Variants in WDR93 observed in about 807,000 individuals in gnomAD.
The protein encoded by WDR93 is WD repeat domain 93, also known as WD repeat-containing protein 93.
Under a neutral mutation model 82.9 loss-of-function variants are expected in WDR93, and 73 were observed. The observed-to-expected ratio is 0.88, with a 90% CI of 0.73 to 1.07. The LOEUF (loss-of-function observed/expected upper bound fraction) is 1.07. WDR93 is among the 50% of genes least tolerant of loss of function. The pLI, the probability that WDR93 is intolerant of heterozygous loss-of-function variation, is 0.00. For missense variants in WDR93, 738 were observed against 826.0 expected (o/e 0.89, Z 1.31); for synonymous variants, 283 against 300.1 (o/e 0.94, Z 0.59).
chr15:89,734,001 G>A (rs1596119780), intron 13 of WDR93, among the ~76,000 whole-genome samples: 1 of 151,524 alleles, frequency 6.6e-6, no homozygotes, highest in East Asian at 1.9e-4. Context: ...TAATGTGTGT[G>A]TGTGTGTGTG....
intron 7 of WDR93, 94 bp downstream of exon 7, chr15:89,717,043 T>C: frequency 3.5e-6 from 2 of 566,120 alleles, no homozygotes; most frequent in Admixed American, 4.8e-5. Flanking sequence ...TTCTTTTTCT[T>C]TCTTTTTTTT....
intron 4 of WDR93, among the ~76,000 whole-genome samples, chr15:89,710,682 A>T (rs1965935939): frequency 6.6e-6 from 1 of 152,212 alleles, no homozygotes. Flanking sequence ...ATTATCAGGG[A>T]TGTTACAAAA....
chr15:89,742,050 C>A (rs1567136169), intron 16 of WDR93, among the ~76,000 whole-genome samples: 1 of 152,132 alleles, frequency 6.6e-6, no homozygotes. Context: ...CACACCCGGC[C>A]TCCAATACAT....
intron 8 of WDR93, among the ~76,000 whole-genome samples, chr15:89,723,238 A>AAATAAATC (rs1460611773): frequency 1.5e-4 from 22 of 151,282 alleles, no homozygotes; most frequent in Non-Finnish European, 1.0e-4. Context: ...ATAAATAAAT[A>AAATAAATC]AATCTGGTAC....
At chr15:89,705,840 T>C (rs1965703451) in intron 4 of WDR93, among the ~76,000 whole-genome samples, 1 of 152,170 alleles carries the variant, frequency 6.6e-6, no homozygotes, top group Non-Finnish European at 1.5e-5. Context: ...AAAAGAAAAT[T>C]AGCAAAGGAA....
chr15:89,704,569 T>TGCCTCCC (rs1965641941), intron 3 of WDR93: 1 of 152,186 alleles, frequency 6.6e-6, no homozygotes, highest in African/African-American at 2.4e-5. Flanking sequence ...TGAAGGAGAA[T>TGCCTCCC]GCCTCCCCCT....
chr15:89,727,333 G>C lies in WDR93; in HGVS notation c.1052+5G>C, dbSNP rs1966778298. On this transcript the variant is annotated splice_donor_5th_base_variant and intron_variant, in intron 9 of 16. Transcript: ENST00000268130. ...GTGGGAGGAAGAGCCACTCAGGTGA[G>C]CCTCCTAATCCCGGGAAAGCCAGGG... 1 of 1,613,244 alleles carries C rather than the reference G, an allele frequency of 6.2e-7. No homozygotes were observed.
At chr15:89,732,891 G>C in intron 12 of WDR93, 115 bp from the exon 13 acceptor site, 1 of 926,018 alleles carries the variant, frequency 1.1e-6, no homozygotes, top group East Asian at 2.4e-5. Context: ...CTCATTGCTT[G>C]ATTTTGCCTT....
intron 16 of WDR93, among the ~76,000 whole-genome samples, chr15:89,740,113 G>C (rs1478647074): frequency 4.6e-5 from 7 of 152,186 alleles, no homozygotes; most frequent in Non-Finnish European, 1.0e-4. Context: ...AAGGTATTAA[G>C]TGGGATGATA....
chr15:89,737,034 G>A (rs1190102720), intron 14 of WDR93, among the ~76,000 whole-genome samples: 13 of 152,232 alleles, frequency 8.5e-5, no homozygotes, highest in Admixed American at 3.9e-4. Flanking sequence ...CTCGTGATCC[G>A]CCCACCTTGG....
At chr15:89,717,353 C>G (rs960403737) in intron 7 of WDR93, among the ~76,000 whole-genome samples, 1 of 152,204 alleles carries the variant, frequency 6.6e-6, no homozygotes, top group Non-Finnish European at 1.5e-5. Flanking sequence ...AGTCACCACA[C>G]TGGGCCCAAG....
Position 89,738,075 on chromosome 15 carries a change from T to C in WDR93, c.1800T>C (p.Asp600=), listed in dbSNP as rs769543438. ...CACATGAAACTGCGTCCACCGACGA[T>C]GCTGGAATCCAATATTCTGTTTTCT... ...DYSHETASTD[D]AGIQYSVFYF... is the part of the protein sequence containing the mutation. Residue 600 remains aspartate (D), a synonymous_variant, in exon 16 of 17, where the codon GAT becomes GAC. Coordinates refer to ENST00000268130, the MANE Select transcript of WDR93 (RefSeq NM_020212.2). 9 of 1,613,630 alleles carry C rather than the reference T, an allele frequency of 5.6e-6. No individual in the cohort carries two copies. The highest frequency in any genetic ancestry group is 2.2e-5 in the South Asian group (2 of 91,022).
chr15:89,690,563 G>A, upstream of WDR93: 2 of 1,548,656 alleles, frequency 1.3e-6, no homozygotes, highest in Non-Finnish European at 1.7e-6. Context: ...GGAGGCCGCT[G>A]GCACCTGACT....
Position 89,702,029 on chromosome 15 carries a change from C to T in WDR93, c.283C>T (p.Pro95Ser), listed in dbSNP as rs1410766164. The T allele has an allele frequency of 6.2e-7, 1 of 1,609,852 alleles. No individual in the cohort carries two copies. The highest frequency in any genetic ancestry group is 1.1e-5 in the South Asian group (1 of 90,928). Residue 95 changes from proline (P) to serine (S), a missense_variant, in exon 2 of 17, where the codon CCT becomes TCT. By Grantham distance (74) the Pro-to-Ser change is moderately conservative (BLOSUM62 -1). Coordinates refer to ENST00000268130, the MANE Select transcript of WDR93 (RefSeq NM_020212.2). ...CAGCCAGATCCAGCCCACCGTCTAC[C>T]CTCCACTTGGAGAAATCCAGGTATG... ...ESSQIQPTVY[P>S]PLGEIQLNKM...
At chr15:89,729,136 C>T (rs2141683724) in intron 10 of WDR93, 43 bp downstream of exon 10, 1 of 1,571,114 alleles carries the variant, frequency 6.4e-7, no homozygotes, top group Non-Finnish European at 8.8e-7. Flanking sequence ...CAAGGAGTCA[C>T]CTTGGGGAAA....
intron 5 of WDR93, among the ~76,000 whole-genome samples, chr15:89,714,055 A>G (rs1966129175): frequency 6.6e-6 from 1 of 152,198 alleles, no homozygotes; most frequent in Non-Finnish European, 1.5e-5. Context: ...TTGACAAGAT[A>G]AAGTCCCACA....
chr15:89,740,144 G>A (rs571745757), intron 16 of WDR93, among the ~76,000 whole-genome samples: 7 of 152,344 alleles, frequency 4.6e-5, no homozygotes, highest in Admixed American at 1.3e-4. Flanking sequence ...ACCAGGCACA[G>A]AGTGGTTGCT....
At position 89,712,065 on chromosome 15, in the gene WDR93, A is replaced by T; in HGVS notation, c.601A>T (p.Ile201Phe). The T allele has an allele frequency of 1.2e-6, 2 of 1,613,436 alleles. No homozygotes were observed. Among genetic ancestry groups the T allele is most frequent in the Non-Finnish European group, 1.7e-6 (2 of 1,179,650 alleles). ...SKQTTCIKME[I>F]SQGGDFAAFL... is the part of the protein sequence containing the mutation. ...GCAAACTACCTGTATAAAGATGGAG[A>T]TCTCTCAAGGAGGGGACTTTGCAGC... The change falls in exon 5 of 17, where the codon ATC becomes TTC. Residue 201 changes from isoleucine to phenylalanine, a missense_variant. Physicochemically the swap from Ile to Phe is conservative, Grantham distance 21. Coordinates refer to ENST00000268130, the MANE Select transcript of WDR93 (RefSeq NM_020212.2).
chr15:89,695,359 A>T (rs1404181352), intron 1 of WDR93, among the ~76,000 whole-genome samples: 1 of 152,068 alleles, frequency 6.6e-6, no homozygotes, highest in Non-Finnish European at 1.5e-5. Context: ...TTAGAGAGGG[A>T]GTTTCGCTGT....
Sources: gnomAD v4.1 joint callset for allele counts (sites outside exome capture counted in the v4.1 genomes callset) on GRCh38, gnomAD v4.1.1 for gene constraint, MANE v1.5 for transcripts, NCBI Gene and HGNC (gene_info 2026-07-23, HGNC 2026-07-21) for gene names.